Variants in PINX1 observed in about 807,000 individuals in gnomAD.
PINX1 encodes the protein PIN2/TERF1-interacting telomerase inhibitor 1.
Under a neutral mutation model 25.4 loss-of-function variants are expected in PINX1, and 34 were observed. The ratio of observed to expected loss-of-function variants is 1.34; its 90% CI spans 1.02 to 1.78. The LOEUF (loss-of-function observed/expected upper bound fraction) is 1.78. PINX1 is among the 40% of genes most tolerant of loss of function. The pLI is 0.00. For missense variants in PINX1, 592 were observed against 404.9 expected (o/e 1.46, Z -3.97); for synonymous variants, 197 against 147.7 (o/e 1.33, Z -2.42).
intron 6 of PINX1, among the ~76,000 whole-genome samples, chr8:10,794,966 G>A (rs1003902612): frequency 1.3e-5 from 2 of 152,176 alleles, no homozygotes; most frequent in Non-Finnish European, 2.9e-5. Context: ...AAGAATGCAG[G>A]TGGTGATAAA....
intron 6 of PINX1, among the ~76,000 whole-genome samples, chr8:10,801,233 T>C (rs1802255100): frequency 6.6e-6 from 1 of 152,150 alleles, no homozygotes. Flanking sequence ...AAGGGATGGA[T>C]TTCCAATGAT....
chr8:10,800,480 T>C (rs1048598625), intron 6 of PINX1, among the ~76,000 whole-genome samples: 1 of 152,008 alleles, frequency 6.6e-6, no homozygotes, highest in African/African-American at 2.4e-5. Flanking sequence ...CTTTTTTTTT[T>C]TTTTTTTGAG....
In PINX1 at chr8:10,791,667, C is replaced by A. The variant is rs116522556; in HGVS notation, c.472-25751G>T. Among the ~76,000 whole-genome samples, 1,285 of 152,312 alleles carry A rather than the reference C, an allele frequency of 8.4e-3. 22 individuals are homozygous for A. Among genetic ancestry groups the A allele is most frequent in the African/African-American group, 0.029 (1,223 of 41,572 alleles). On this transcript the variant is annotated intron_variant, in intron 6 of 6. Coordinates refer to ENST00000314787, the MANE Select transcript of PINX1 (RefSeq NM_017884.6). The stretch of plus-strand genomic sequence containing the variant: ...GTTATTTTGGTTTGGGGAGCTCCAG[C>A]CCCCATCTTTGTGGCGGCTGCTGAT...
intron 6 of PINX1, among the ~76,000 whole-genome samples, chr8:10,780,522 G>A (rs990364769): frequency 5.9e-5 from 9 of 151,878 alleles, no homozygotes; most frequent in African/African-American, 1.9e-4. Context: ...GACTTACACA[G>A]TTAAACCAGC....
chr8:10,822,042 A>G lies in PINX1; in HGVS notation c.395-1773T>C, dbSNP rs1008399613. The G allele has an allele frequency of 2.1e-4, 32 of 152,252 alleles. 1 individual carries two copies. Among genetic ancestry groups the G allele is most frequent in the Non-Finnish European group, 4.4e-5 (3 of 68,044 alleles). The allele number at this position is 152,252 out of a possible 1,614,324, so 9.4% of individuals were successfully genotyped here. Reference sequence around the variant, plus strand: ...TAAAGTTTTGATGATGGATTCTTGTATCAGAAATTTTTAGCCTTTAGCAAA... The same window carrying G: ...TAAAGTTTTGATGATGGATTCTTGTGTCAGAAATTTTTAGCCTTTAGCAAA... On this transcript the variant is annotated intron_variant, in intron 5 of 6. Transcript: ENST00000314787.
chr8:10,775,894 T>G (rs1801377201), intron 6 of PINX1, among the ~76,000 whole-genome samples: 1 of 152,104 alleles, frequency 6.6e-6, no homozygotes, highest in South Asian at 2.1e-4. Flanking sequence ...AGAAGGCCAA[T>G]CTGTACAACA....
intron 6 of PINX1, among the ~76,000 whole-genome samples, chr8:10,797,867 G>A (rs900751291): frequency 4.0e-5 from 6 of 151,882 alleles, no homozygotes; most frequent in Non-Finnish European, 7.4e-5. Flanking sequence ...CTGATGGAGA[G>A]AAGAAATCTA....
intron 6 of PINX1, among the ~76,000 whole-genome samples, chr8:10,768,481 A>G (rs999726687): frequency 6.6e-6 from 1 of 152,226 alleles, no homozygotes; most frequent in African/African-American, 2.4e-5. Context: ...TCATATGCTC[A>G]TCATCAACTT....
intron 6 of PINX1, among the ~76,000 whole-genome samples, chr8:10,818,152 C>A (rs540040122): frequency 9.9e-5 from 15 of 152,068 alleles, no homozygotes; most frequent in African/African-American, 3.6e-4. Flanking sequence ...AAATTTATCA[C>A]TGGAAGAAAA....
chr8:10,824,793 A>T (rs73208795), intron 5 of PINX1, among the ~76,000 whole-genome samples: 25,686 of 152,192 alleles, frequency 0.17, 2,592 homozygotes, highest in Non-Finnish European at 0.23. Flanking sequence ...AGTTTTATTA[A>T]TTTGCTCTGC....
intron 5 of PINX1, 98 bp from the exon 6 acceptor site, chr8:10,820,367 G>T: frequency 1.2e-6 from 1 of 815,714 alleles, no homozygotes; most frequent in Non-Finnish European, 2.1e-6. Context: ...AATGGCTTTT[G>T]GGAAAGAAAG....
In PINX1 at chr8:10,796,381, C is replaced by A. The variant is rs141407020; in HGVS notation, c.471+23812G>T. On this transcript the variant is annotated intron_variant, in intron 6 of 6. Transcript: ENST00000314787. ...CCAGAGTAGAGACACCCGCAAGAAT[C>A]CGATGAGTTCCATTTCTACCTCTCG... Among the ~76,000 whole-genome samples, 5 of 152,200 alleles carry A rather than the reference C, an allele frequency of 3.3e-5. No individual in the cohort carries two copies. The East Asian group carries it at 7.7e-4, about 23-fold the overall frequency.
rs772178504 is a variant in PINX1 at position 10,832,911 on chromosome 8, C to T, written c.203G>A (p.Gly68Glu). 15 of 1,609,888 alleles carry T rather than the reference C, an allele frequency of 9.3e-6. No individual in the cohort carries two copies. Among genetic ancestry groups the T allele is most frequent in the Non-Finnish European group, 1.3e-5 (15 of 1,176,868 alleles). ...VQVKNNHLGL[G>E]ATINNEDNWI... ...GCTCACTTCATTATTGATGGTAGCTCCGAGTCCCAGGTGGTTATTTTTCAC... is the reference window on the plus strand; with the variant it reads ...GCTCACTTCATTATTGATGGTAGCTTCGAGTCCCAGGTGGTTATTTTTCAC... Residue 68 changes from glycine (G) to glutamate (E), a missense_variant, in exon 3 of 7, where the codon GGA becomes GAA. Coordinates refer to ENST00000314787, the MANE Select transcript of PINX1 (RefSeq NM_017884.6).
chr8:10,766,572 C>G (rs1801055664), intron 6 of PINX1, among the ~76,000 whole-genome samples: 2 of 152,204 alleles, frequency 1.3e-5, no homozygotes, highest in Admixed American at 1.3e-4. Flanking sequence ...ACCAACAGGC[C>G]AGCTTGGGGG....
intron 6 of PINX1, among the ~76,000 whole-genome samples, chr8:10,766,176 C>A (rs558755555): frequency 1.3e-5 from 2 of 152,290 alleles, no homozygotes; most frequent in East Asian, 3.9e-4. Flanking sequence ...TGGTAGATGA[C>A]AGGCAGAAGC....
chr8:10,788,127 A>C (rs905510882), intron 6 of PINX1, among the ~76,000 whole-genome samples: 37 of 152,190 alleles, frequency 2.4e-4, no homozygotes, highest in African/African-American at 8.4e-4. Context: ...CAGTAATGGG[A>C]AAGAGGGGTG....
chr8:10,831,007 G>A (rs971626651), intron 4 of PINX1, among the ~76,000 whole-genome samples: 3 of 152,184 alleles, frequency 2.0e-5, no homozygotes, highest in African/African-American at 4.8e-5. Flanking sequence ...CACGTTCACT[G>A]CAGCACTATT....
At chr8:10,804,707 G>C (rs1802382431) in intron 6 of PINX1, among the ~76,000 whole-genome samples, 1 of 151,350 alleles carries the variant, frequency 6.6e-6, no homozygotes. Context: ...ATGAATGCTG[G>C]AGGATTAAAA....
At chr8:10,833,588 G>A (rs563864160) in intron 2 of PINX1, 4 of 89,558 alleles carry the variant, frequency 4.5e-5, no homozygotes, top group African/African-American at 1.9e-4. Context: ...AGACGACTGG[G>A]GTGCGGGAGG....
Sources: gnomAD v4.1 joint callset for allele counts (sites outside exome capture counted in the v4.1 genomes callset) on GRCh38, gnomAD v4.1.1 for gene constraint, MANE v1.5 for transcripts, NCBI Gene and HGNC (gene_info 2026-07-23, HGNC 2026-07-21) for gene names.